Variants in KIF6 observed in about 807,000 individuals in gnomAD.
The protein encoded by KIF6 is kinesin-like protein KIF6.
KIF6 carries 106 observed loss-of-function variants against 112.7 expected under a neutral mutation model. That is an observed-to-expected ratio of 0.94 (90% CI 0.80 to 1.11). The LOEUF is 1.11. Ranked by LOEUF, KIF6 falls within the 50% of genes least tolerant of loss-of-function variation. The pLI is 0.00. For missense variants in KIF6, 929 were observed against 964.0 expected (o/e 0.96, Z 0.48); for synonymous variants, 339 against 339.9 (o/e 1.00, Z 0.03).
chr6:39,421,418 C>T (rs576578344), intron 14 of KIF6, among the ~76,000 whole-genome samples: 92 of 152,342 alleles, frequency 6.0e-4, no homozygotes, highest in African/African-American at 2.0e-3. Flanking sequence ...CTTCTCACTT[C>T]CCCATCTCTA....
chr6:39,465,106 A>C (rs981044445), intron 13 of KIF6, among the ~76,000 whole-genome samples: 12 of 152,168 alleles, frequency 7.9e-5, no homozygotes, highest in African/African-American at 2.9e-4. Context: ...TCATTTCCAG[A>C]ATAGGGCATG....
intron 10 of KIF6, among the ~76,000 whole-genome samples, chr6:39,566,350 T>C (rs1381328443): frequency 6.6e-6 from 1 of 152,244 alleles, no homozygotes; most frequent in Non-Finnish European, 1.5e-5. Context: ...ATGCATCAGC[T>C]CTTTTTATGA....
intron 16 of KIF6, among the ~76,000 whole-genome samples, chr6:39,369,404 A>G (rs1765801249): frequency 6.6e-6 from 1 of 152,156 alleles, no homozygotes; most frequent in Non-Finnish European, 1.5e-5. Flanking sequence ...GCTCACTGCC[A>G]CTGCCTTCCC....
At chr6:39,507,236 G>C (rs1328863904) in intron 13 of KIF6, among the ~76,000 whole-genome samples, 1 of 152,184 alleles carries the variant, frequency 6.6e-6, no homozygotes, top group East Asian at 1.9e-4. Context: ...CAGGTAGACA[G>C]TGTCAGAATT....
At chr6:39,687,773 G>A (rs547150352) in intron 3 of KIF6, among the ~76,000 whole-genome samples, 82 of 152,304 alleles carry the variant, frequency 5.4e-4, no homozygotes, top group African/African-American at 1.8e-3. Context: ...TCACATATTA[G>A]CCATGCAACC....
At chr6:39,423,703 C>T (rs1770549136) in intron 14 of KIF6, among the ~76,000 whole-genome samples, 1 of 152,234 alleles carries the variant, frequency 6.6e-6, no homozygotes, top group East Asian at 1.9e-4. Context: ...AGCACCATCA[C>T]TTACGGATGG....
At chr6:39,507,977 C>T (rs1222844651) in intron 13 of KIF6, among the ~76,000 whole-genome samples, 1 of 113,066 alleles carries the variant, frequency 8.8e-6, no homozygotes, top group Non-Finnish European at 1.7e-5. Context: ...TCCTCCTCCT[C>T]CTCTTCCTCC....
intron 10 of KIF6, among the ~76,000 whole-genome samples, chr6:39,564,345 T>C (rs915652970): frequency 1.3e-5 from 2 of 152,004 alleles, no homozygotes; most frequent in African/African-American, 4.8e-5. Flanking sequence ...ACTGGGGAAA[T>C]TGGGTTTGAA....
chr6:39,466,418 G>A (rs186492319), intron 13 of KIF6, among the ~76,000 whole-genome samples: 98 of 152,334 alleles, frequency 6.4e-4, no homozygotes, highest in African/African-American at 2.3e-3. Flanking sequence ...ATCAAAGTCA[G>A]TGAAAATTAT....
chr6:39,429,780 T>TGCAC (rs1562208338), intron 14 of KIF6, among the ~76,000 whole-genome samples: 4 of 151,738 alleles, frequency 2.6e-5, no homozygotes, highest in Admixed American at 6.6e-5. Flanking sequence ...TGGTGGCGGG[T>TGCAC]GCCTGTAGTC....
intron 3 of KIF6, among the ~76,000 whole-genome samples, chr6:39,679,506 T>A (rs1304233072): frequency 6.6e-6 from 1 of 152,174 alleles, no homozygotes; most frequent in African/African-American, 2.4e-5. Context: ...CTTTTGAACA[T>A]GTCATTCTCT....
intron 12 of KIF6, among the ~76,000 whole-genome samples, chr6:39,541,334 A>C (rs1778772923): frequency 6.6e-6 from 1 of 152,222 alleles, no homozygotes; most frequent in Non-Finnish European, 1.5e-5. Context: ...CTTGCCCCAA[A>C]ACAACATGTA....
intron 15 of KIF6, among the ~76,000 whole-genome samples, chr6:39,405,761 GTTAT>G (rs1769044211): frequency 6.6e-6 from 1 of 152,084 alleles, no homozygotes; most frequent in African/African-American, 2.4e-5. Flanking sequence ...TAAAATTGGT[GTTAT>G]TTCTTTTTAA....
intron 3 of KIF6, among the ~76,000 whole-genome samples, chr6:39,660,576 C>T (rs1172373393): frequency 6.6e-6 from 1 of 151,980 alleles, no homozygotes; most frequent in African/African-American, 2.4e-5. Context: ...AATCCTCTAC[C>T]TTTTTTTTCT....
At chr6:39,443,142 AATAATAATAATAAT>A (rs1457288485) in intron 13 of KIF6, among the ~76,000 whole-genome samples, 3 of 141,334 alleles carry the variant, frequency 2.1e-5, no homozygotes, top group East Asian at 2.1e-4. Flanking sequence ...TAATAATAAT[AATAATAATAATAAT>A]AATAAATAAA....
At chr6:39,337,189 TTC>T (rs1398641825) in intron 22 of KIF6, among the ~76,000 whole-genome samples, 6 of 97,084 alleles carry the variant, frequency 6.2e-5, no homozygotes, top group Non-Finnish European at 1.1e-4. Context: ...CTTTCTTTCT[TTC>T]TTTCTTTCTT....
intron 3 of KIF6, among the ~76,000 whole-genome samples, chr6:39,667,996 A>G: frequency 6.6e-6 from 1 of 152,084 alleles, no homozygotes; most frequent in Non-Finnish European, 1.5e-5. Context: ...CTGGTTGTTT[A>G]AAAGTGGGTG....
intron 22 of KIF6, among the ~76,000 whole-genome samples, chr6:39,339,714 C>T (rs1408921674): frequency 5.9e-5 from 9 of 151,686 alleles, no homozygotes; most frequent in Non-Finnish European, 1.2e-4. Context: ...GTTGACTCCA[C>T]GGATGACTGA....
intron 13 of KIF6, among the ~76,000 whole-genome samples, chr6:39,535,720 A>G (rs1272684877): frequency 6.6e-6 from 1 of 152,142 alleles, no homozygotes. Context: ...GACCTAATAG[A>G]CATCTACAGA....
Sources: gnomAD v4.1 joint callset for allele counts (sites outside exome capture counted in the v4.1 genomes callset) on GRCh38, gnomAD v4.1.1 for gene constraint, MANE v1.5 for transcripts, NCBI Gene and HGNC (gene_info 2026-07-23, HGNC 2026-07-21) for gene names.